SCAF8: variants seen among roughly 807,000 people sequenced by gnomAD.
SCAF8 encodes SR-related and CTD-associated factor 8.
Under a neutral mutation model 140.5 loss-of-function variants are expected in SCAF8, and 23 were observed. That is an observed-to-expected ratio of 0.16 (90% CI 0.12 to 0.23). The LOEUF (loss-of-function observed/expected upper bound fraction) is 0.23. SCAF8 is among the 10% of genes least tolerant of loss of function. The probability of loss-of-function intolerance (pLI) is 1.00; values close to 1 mark genes in which losing one functional copy is unlikely to be tolerated. For synonymous variants in SCAF8, 575 were observed against 528.9 expected, an observed-to-expected ratio of 1.09 and a Z score of -1.20; for missense variants, 1,397 against 1,555.7, an observed-to-expected ratio of 0.90 and a Z score of 1.72.
chr6:154,760,436 T>A (rs1779073650), intron 1 of SCAF8, among the ~76,000 whole-genome samples: 1 of 152,210 alleles, frequency 6.6e-6, no homozygotes, highest in African/African-American at 2.4e-5. Flanking sequence ...ACTTACAATT[T>A]TAGGAAAATA....
chr6:154,750,235 T>C (rs148973255), intron 1 of SCAF8, among the ~76,000 whole-genome samples: 38 of 152,328 alleles, frequency 2.5e-4, no homozygotes, highest in African/African-American at 8.9e-4. Flanking sequence ...GTTACTGTTT[T>C]GTTAAGTACA....
intron 18 of SCAF8, 99 bp from the exon 19 acceptor site, chr6:154,830,823 T>G: frequency 1.2e-6 from 1 of 809,562 alleles, no homozygotes; most frequent in Non-Finnish European, 2.0e-6. Context: ...TGCTTAGTAA[T>G]ACAGAGATGC....
intron 13 of SCAF8, among the ~76,000 whole-genome samples, chr6:154,817,139 C>T (rs921220006): frequency 2.0e-5 from 3 of 152,252 alleles, no homozygotes; most frequent in South Asian, 2.1e-4. Flanking sequence ...TAGTGATTCT[C>T]AGTTCTAGCT....
In SCAF8 at chr6:154,831,900, C is replaced by T. The variant is rs778825788; in HGVS notation, c.2360-39C>T. ...AGCTAAAATTATTGGAAACTTTTGA[C>T]TGTTATTTTGAGTTTTTTCTCTCTC... On this transcript the variant is annotated intron_variant, in intron 19 of 19. Coordinates refer to ENST00000367178, the MANE Select transcript of SCAF8 (RefSeq NM_014892.5). 3 of 1,528,436 alleles carry T rather than the reference C, an allele frequency of 2.0e-6. No homozygotes were observed. In the Admixed American group the frequency reaches 6.3e-5, roughly 32 times the overall value. The allele number at this position is 1,528,436 out of a possible 1,614,324, so 94.7% of individuals were successfully genotyped here.
intron 6 of SCAF8, among the ~76,000 whole-genome samples, chr6:154,795,702 T>C (rs1238221422): frequency 6.6e-6 from 1 of 152,092 alleles, no homozygotes; most frequent in East Asian, 1.9e-4. Flanking sequence ...GGAAGCAATG[T>C]GGTGTATTGT....
intron 18 of SCAF8, among the ~76,000 whole-genome samples, chr6:154,830,212 G>C (rs1778691153): frequency 6.6e-6 from 1 of 152,140 alleles, no homozygotes; most frequent in Non-Finnish European, 1.5e-5. Context: ...TTGTAGCTCT[G>C]TTGTATGCTA....
chr6:154,800,952 A>G (rs1237852395), intron 6 of SCAF8, among the ~76,000 whole-genome samples: 1 of 151,538 alleles, frequency 6.6e-6, no homozygotes, highest in East Asian at 1.9e-4. Context: ...AAGGGATAGT[A>G]CAAACAGAGT....
intron 12 of SCAF8, among the ~76,000 whole-genome samples, chr6:154,814,778 G>C (rs372978124): frequency 2.6e-4 from 39 of 152,318 alleles, no homozygotes; most frequent in African/African-American, 9.1e-4. Context: ...CTGTACAGCT[G>C]AAAGTAGGCA....
intron 12 of SCAF8, among the ~76,000 whole-genome samples, chr6:154,815,265 C>G (rs1240149384): frequency 6.6e-6 from 1 of 151,940 alleles, no homozygotes; most frequent in African/African-American, 2.4e-5. Context: ...CCACTGCACT[C>G]CAGCCTGGGC....
At chr6:154,773,244 C>G (rs1776822802) in intron 1 of SCAF8, among the ~76,000 whole-genome samples, 1 of 152,144 alleles carries the variant, frequency 6.6e-6, no homozygotes, top group Non-Finnish European at 1.5e-5. Flanking sequence ...GCTCTTTCAG[C>G]CCTAGACAAC....
chr6:154,792,099 G>A (rs960119468), intron 4 of SCAF8, among the ~76,000 whole-genome samples: 1 of 151,966 alleles, frequency 6.6e-6, no homozygotes, highest in East Asian at 1.9e-4. Context: ...ATGATTCATC[G>A]TTCTGAGGGC....
rs181201621 is a variant in SCAF8 at position 154,788,729 on chromosome 6, C to G, written c.321+707C>G. ...TGGTAGAATTTTATTAATCACACTA[C>G]TAAGTCTGGTATGTGTAAGATCCAA... On this transcript the variant is annotated intron_variant, in intron 4 of 19. Coordinates refer to ENST00000367178, the MANE Select transcript of SCAF8 (RefSeq NM_014892.5). 1.2e-4 allele frequency among the ~76,000 whole-genome samples: 19 copies of G among 152,268 alleles called. No individual in the cohort carries two copies. The East Asian group carries it at 3.3e-3, about 26-fold the overall frequency.
chr6:154,790,227 A>G (rs1269779715), intron 4 of SCAF8, among the ~76,000 whole-genome samples: 1 of 152,122 alleles, frequency 6.6e-6, no homozygotes, highest in Non-Finnish European at 1.5e-5. Context: ...TTGGAAACGG[A>G]AAGATTTTTA....
intron 10 of SCAF8, 65 bp from the exon 11 acceptor site, chr6:154,808,620 AT>A (rs1777995743): frequency 9.8e-7 from 1 of 1,025,008 alleles, no homozygotes; most frequent in South Asian, 1.3e-5. Flanking sequence ...TAAAAACAGA[AT>A]TGTCAATGTA....
intron 1 of SCAF8, among the ~76,000 whole-genome samples, chr6:154,768,053 A>G (rs940662988): frequency 6.6e-6 from 1 of 152,182 alleles, no homozygotes; most frequent in Non-Finnish European, 1.5e-5. Flanking sequence ...CATTTTCAAT[A>G]CAAGATAAAA....
At chr6:154,789,544 A>ATTT (rs905985637) in intron 4 of SCAF8, among the ~76,000 whole-genome samples, 12 of 136,824 alleles carry the variant, frequency 8.8e-5, no homozygotes, top group African/African-American at 2.9e-4. Flanking sequence ...AATGCTTCTA[A>ATTT]TTTTTTTTTT....
chr6:154,749,940 G>A (rs939060814), intron 1 of SCAF8, among the ~76,000 whole-genome samples: 2 of 152,108 alleles, frequency 1.3e-5, no homozygotes, highest in Non-Finnish European at 2.9e-5. Context: ...AATACTAATA[G>A]GGAGAAGAGG....
At chr6:154,803,856 TTGGTAAATC>T (rs1216231636) in intron 8 of SCAF8, among the ~76,000 whole-genome samples, 1 of 152,200 alleles carries the variant, frequency 6.6e-6, no homozygotes, top group Non-Finnish European at 1.5e-5. Context: ...TTGATACATA[TTGGTAAATC>T]TGGTTGTAAT....
In SCAF8 at chr6:154,744,809, A is replaced by G. The variant is rs138938992; in HGVS notation, c.30+10879A>G. Among the ~76,000 whole-genome samples, 29 of 152,332 alleles carry G rather than the reference A, an allele frequency of 1.9e-4. No individual in the cohort carries two copies. In the East Asian group the frequency reaches 5.6e-3, roughly 29 times the overall value. ...TAAGAATGATGAATAATTTTTATGT[A>G]TACTTCATCCAGATTTCTGTGCCTC... On this transcript the variant is annotated intron_variant, in intron 1 of 19. Transcript: ENST00000367178.
Sources: gnomAD v4.1 joint callset for allele counts (sites outside exome capture counted in the v4.1 genomes callset) on GRCh38, gnomAD v4.1.1 for gene constraint, MANE v1.5 for transcripts, NCBI Gene and HGNC (gene_info 2026-07-23, HGNC 2026-07-21) for gene names.